ANKS1B: variants seen among roughly 807,000 people sequenced by gnomAD.
The protein encoded by ANKS1B is ankyrin repeat and sterile alpha motif domain-containing protein 1B.
ANKS1B carries 36 observed loss-of-function variants against 148.3 expected under a neutral mutation model. That is an observed-to-expected ratio of 0.24 (90% CI 0.19 to 0.32). The LOEUF (loss-of-function observed/expected upper bound fraction) is 0.32, where lower values mean the gene tolerates loss of function less well. ANKS1B is among the 10% of genes least tolerant of loss of function. ANKS1B has a pLI of 1.00. For missense variants in ANKS1B, 1,157 were observed against 1,542.6 expected, an observed-to-expected ratio of 0.75 and a Z score of 4.19; for synonymous variants, 542 against 560.8, an observed-to-expected ratio of 0.97 and a Z score of 0.47.
intron 17 of ANKS1B, among the ~76,000 whole-genome samples, chr12:98,996,921 C>T (rs2099930037): frequency 6.9e-6 from 1 of 145,000 alleles, no homozygotes; most frequent in African/African-American, 2.5e-5. Flanking sequence ...GTTGGAATTA[C>T]TGTTTGGTTG....
intron 1 of ANKS1B, among the ~76,000 whole-genome samples, chr12:99,972,766 C>T (rs2095575443): frequency 6.6e-6 from 1 of 152,196 alleles, no homozygotes; most frequent in African/African-American, 2.4e-5. Flanking sequence ...AAACAGCCTT[C>T]TATTGGAAGA....
chr12:99,282,735 T>C (rs1232482606), intron 12 of ANKS1B, among the ~76,000 whole-genome samples: 1 of 152,164 alleles, frequency 6.6e-6, no homozygotes, highest in South Asian at 2.1e-4. Flanking sequence ...AGGATGGAGT[T>C]TTCATTAACT....
chr12:99,127,331 C>T (rs1447194160), intron 15 of ANKS1B, among the ~76,000 whole-genome samples: 1 of 151,956 alleles, frequency 6.6e-6, no homozygotes, highest in Non-Finnish European at 1.5e-5. Flanking sequence ...CTCTCATCTG[C>T]CCGATTACTT....
chr12:99,957,422 C>A (rs2095341415), intron 1 of ANKS1B, among the ~76,000 whole-genome samples: 1 of 152,212 alleles, frequency 6.6e-6, no homozygotes, highest in Non-Finnish European at 1.5e-5. Context: ...CCCAAAATAT[C>A]TCCTACAAAT....
intron 8 of ANKS1B, among the ~76,000 whole-genome samples, chr12:99,666,013 T>C (rs1464237984): frequency 6.6e-6 from 1 of 152,202 alleles, no homozygotes; most frequent in East Asian, 1.9e-4. Flanking sequence ...GGTTGAGATT[T>C]AAGAAACCTA....
At chr12:98,858,440 C>T (rs1174249091) in intron 17 of ANKS1B, among the ~76,000 whole-genome samples, 1 of 152,212 alleles carries the variant, frequency 6.6e-6, no homozygotes, top group African/African-American at 2.4e-5. Context: ...ACCTCCTGGG[C>T]TCAGCCATTC....
At chr12:98,749,660 G>A (rs2098021209) in intron 26 of ANKS1B, among the ~76,000 whole-genome samples, 1 of 152,060 alleles carries the variant, frequency 6.6e-6, no homozygotes. Context: ...CCTCAGGTAG[G>A]AGTGAGCATT....
chr12:99,834,626 T>TTAAA lies in ANKS1B; in HGVS notation c.135-9241_135-9238dup, dbSNP rs139071178. 7.9e-3 allele frequency among the ~76,000 whole-genome samples: 1,201 copies of TTAAA among 152,338 alleles called. 15 individuals are homozygous for TTAAA. The highest frequency in any genetic ancestry group is 0.027 in the African/African-American group (1,136 of 41,578). Reference sequence around the variant, plus strand: ...TTTCACATATTAAATAAGATTATTCTTAAACCATAAGCCTGAGTTTCTTAG... The same window carrying TTAAA: ...TTTCACATATTAAATAAGATTATTCTTAAATAAACCATAAGCCTGAGTTTCTTAG... On this transcript the variant is annotated intron_variant, in intron 1 of 26. Coordinates refer to ENST00000683438, the MANE Select transcript of ANKS1B (RefSeq NM_001352186.2).
intron 19 of ANKS1B, among the ~76,000 whole-genome samples, chr12:98,817,195 C>T (rs2099148505): frequency 6.6e-6 from 1 of 152,146 alleles, no homozygotes; most frequent in African/African-American, 2.4e-5. Flanking sequence ...TGAAAACAGA[C>T]TTGAAGAGCA....
Position 99,894,698 on chromosome 12 carries a change from A to G in ANKS1B, c.135-69309T>C, listed in dbSNP as rs566211032. Reference sequence around the variant, plus strand: ...GATATTCCATACTTTATTATAAAATAGTCTTTGTGTTAGATTATTTCACCC... The same window carrying G: ...GATATTCCATACTTTATTATAAAATGGTCTTTGTGTTAGATTATTTCACCC... On this transcript the variant is annotated intron_variant, in intron 1 of 26. Transcript: ENST00000683438. Among the ~76,000 whole-genome samples, 25 of 149,996 alleles carry G rather than the reference A, an allele frequency of 1.7e-4. No individual in the cohort carries two copies. The South Asian group carries it at 5.3e-3, about 32-fold the overall frequency.
At chr12:99,040,602 T>C (rs941945011) in intron 17 of ANKS1B, among the ~76,000 whole-genome samples, 3 of 152,174 alleles carry the variant, frequency 2.0e-5, no homozygotes, top group African/African-American at 7.2e-5. Context: ...CTCATCAAAA[T>C]CCAACCAGTT....
chr12:99,322,663 G>A (rs971501976), intron 12 of ANKS1B, among the ~76,000 whole-genome samples: 1 of 152,052 alleles, frequency 6.6e-6, no homozygotes. Context: ...TATATCAAAT[G>A]ATTTGCCATG....
chr12:99,589,968 CTAAAAA>C (rs1355075354), intron 9 of ANKS1B, among the ~76,000 whole-genome samples: 3 of 151,856 alleles, frequency 2.0e-5, no homozygotes, highest in Non-Finnish European at 2.9e-5. Context: ...ATCCACATAA[CTAAAAA>C]TAAAAACATT....
At chr12:99,201,958 A>G (rs1380646840) in intron 14 of ANKS1B, among the ~76,000 whole-genome samples, 1 of 110,506 alleles carries the variant, frequency 9.0e-6, no homozygotes, top group African/African-American at 2.9e-5. Context: ...TATATTAACT[A>G]ACATCTATTA....
At chr12:98,793,624 AC>A (rs998083541) in intron 22 of ANKS1B, among the ~76,000 whole-genome samples, 7 of 152,348 alleles carry the variant, frequency 4.6e-5, no homozygotes, top group African/African-American at 1.7e-4. Context: ...AGGGACCCAA[AC>A]ATTGCAATAG....
At chr12:99,062,535 T>C (rs143921079) in intron 16 of ANKS1B, among the ~76,000 whole-genome samples, 2 of 152,110 alleles carry the variant, frequency 1.3e-5, no homozygotes, top group Non-Finnish European at 2.9e-5. Context: ...AAGGAGAGTG[T>C]GGTCAGCAGT....
At chr12:99,206,064 A>G (rs529377439) in intron 14 of ANKS1B, among the ~76,000 whole-genome samples, 2 of 152,296 alleles carry the variant, frequency 1.3e-5, no homozygotes, top group African/African-American at 4.8e-5. Context: ...AGATAAGACT[A>G]CCATGAAAGG....
intron 17 of ANKS1B, among the ~76,000 whole-genome samples, chr12:98,901,358 C>T (rs914138486): frequency 3.3e-5 from 5 of 152,262 alleles, no homozygotes; most frequent in South Asian, 4.1e-4. Context: ...GAATTATGAA[C>T]GAGAAAGTCT....
At chr12:98,805,348 G>A (rs1199764320) in intron 20 of ANKS1B, among the ~76,000 whole-genome samples, 1 of 150,962 alleles carries the variant, frequency 6.6e-6, no homozygotes, top group Non-Finnish European at 1.5e-5. Flanking sequence ...CAATTAAACA[G>A]AGGAAAATGT....
Sources: gnomAD v4.1 joint callset for allele counts (sites outside exome capture counted in the v4.1 genomes callset) on GRCh38, gnomAD v4.1.1 for gene constraint, MANE v1.5 for transcripts, NCBI Gene and HGNC (gene_info 2026-07-23, HGNC 2026-07-21) for gene names.